Variants in TRIM9 observed in about 807,000 individuals in gnomAD.
TRIM9 encodes E3 ubiquitin-protein ligase TRIM9.
A neutral mutation model predicts 78.3 loss-of-function variants in TRIM9; 26 were observed. The observed-to-expected ratio is 0.33, with a 90% CI of 0.24 to 0.46. TRIM9 has a LOEUF of 0.46. Among genes scored for constraint, TRIM9 ranks in the 20% least tolerant of loss-of-function variants. The probability of loss-of-function intolerance (pLI) is 1.00; values close to 1 mark genes in which losing one functional copy is unlikely to be tolerated. For missense variants in TRIM9, 787 were observed against 1,036.4 expected, an observed-to-expected ratio of 0.76 and a Z score of 3.30; for synonymous variants, 398 against 416.5, an observed-to-expected ratio of 0.96 and a Z score of 0.54.
At chr14:51,083,138 A>C (rs2063457718) in intron 1 of TRIM9, among the ~76,000 whole-genome samples, 1 of 152,192 alleles carries the variant, frequency 6.6e-6, no homozygotes, top group Admixed American at 6.5e-5. Context: ...GCTTCCTTTG[A>C]TAGACTAGAA....
At chr14:51,071,764 C>T (rs2062290658) in intron 1 of TRIM9, among the ~76,000 whole-genome samples, 1 of 152,182 alleles carries the variant, frequency 6.6e-6, no homozygotes. Flanking sequence ...TGCAGTCACA[C>T]CACTGCACTC....
intron 8 of TRIM9, among the ~76,000 whole-genome samples, chr14:50,983,661 G>A (rs1424163231): frequency 6.6e-6 from 1 of 152,156 alleles, no homozygotes; most frequent in African/African-American, 2.4e-5. Context: ...CCTAAACTCT[G>A]TAGCTGAATT....
At chr14:51,006,331 T>G (rs1308080995) in intron 5 of TRIM9, among the ~76,000 whole-genome samples, 1 of 152,222 alleles carries the variant, frequency 6.6e-6, no homozygotes, top group African/African-American at 2.4e-5. Context: ...ACTGACAAGT[T>G]GTGAAAGGGC....
At chr14:51,046,840 C>T (rs558753771) in intron 1 of TRIM9, among the ~76,000 whole-genome samples, 61 of 152,304 alleles carry the variant, frequency 4.0e-4, no homozygotes, top group East Asian at 3.5e-3. Context: ...GATTAACTGG[C>T]TCAATATATG....
At chr14:51,027,491 C>T (rs761149607) in intron 1 of TRIM9, among the ~76,000 whole-genome samples, 11 of 151,504 alleles carry the variant, frequency 7.3e-5, no homozygotes, top group Middle Eastern at 3.4e-3. Context: ...ACACAAACAC[C>T]TGCTGACTGG....
chr14:50,983,104 T>A (rs2052192325), intron 9 of TRIM9, 139 bp from the exon 10 acceptor site: 1 of 826,502 alleles, frequency 1.2e-6, no homozygotes, highest in Admixed American at 2.2e-5. Context: ...AAACAGGTGC[T>A]CTCTGACTTG....
At chr14:51,031,233 G>A (rs78512275) in intron 1 of TRIM9, among the ~76,000 whole-genome samples, 2,372 of 151,532 alleles carry the variant, frequency 0.016, 66 homozygotes, top group African/African-American at 0.053. Context: ...AGGGTCCTCT[G>A]AGCCCTCTTC....
At chr14:51,092,838 G>A (rs2064500441) in intron 1 of TRIM9, among the ~76,000 whole-genome samples, 1 of 152,104 alleles carries the variant, frequency 6.6e-6, no homozygotes, top group African/African-American at 2.4e-5. Context: ...ATGCCACACA[G>A]GGATAAATAC....
intron 1 of TRIM9, among the ~76,000 whole-genome samples, chr14:51,085,919 CAGGTAAGGTAATTATAT>C (rs1332772491): frequency 1.3e-5 from 2 of 152,146 alleles, no homozygotes; most frequent in African/African-American, 4.8e-5. Context: ...CCATCTCTGT[CAGGTAAGGTAATTATAT>C]AGGTAAGGTA....
rs748658484 is a variant in TRIM9, at chr14:50,977,245, G to A, written c.*46C>T. 15 of 1,394,664 alleles carry A rather than the reference G, an allele frequency of 1.1e-5. No individual in the cohort carries two copies. Among genetic ancestry groups the A allele is most frequent in the East Asian group, 5.4e-5 (2 of 36,828 alleles). The allele number at this position is 1,394,664 out of a possible 1,614,324, so 86.4% of individuals were successfully genotyped here. Reference sequence around the variant, plus strand: ...GGCTGAGCTCCTTGCTGTGGCTCTCGCAGGCGGAGGTAAGAACAGGCAGCT... The same window carrying A: ...GGCTGAGCTCCTTGCTGTGGCTCTCACAGGCGGAGGTAAGAACAGGCAGCT... On this transcript the variant is annotated 3_prime_UTR_variant, in exon 13 of 13. Coordinates refer to ENST00000684578, the MANE Select transcript of TRIM9 (RefSeq NM_001387360.1).
chr14:51,066,559 T>G (rs1322458978), intron 1 of TRIM9, among the ~76,000 whole-genome samples: 2 of 152,216 alleles, frequency 1.3e-5, no homozygotes, highest in Non-Finnish European at 2.9e-5. Flanking sequence ...TCTTATCCCA[T>G]GGCTTCGAAT....
chr14:50,996,782 A>G lies in TRIM9; in HGVS notation c.1603+1268T>C, dbSNP rs2054264210. The G allele has an allele frequency of 5.1e-6, 5 of 985,448 alleles. No homozygotes were observed. The South Asian group carries it at 1.4e-4, about 28-fold the overall frequency. 61.0% of individuals were successfully genotyped at this position (985,448 alleles called of 1,614,324 possible). ...TTCTGGGGGAAGCTGTAGCTACCAC[A>G]TCACTGTACTCCAAATGGGAACAGG... On this transcript the variant is annotated intron_variant, in intron 7 of 12. Transcript: ENST00000684578.
intron 1 of TRIM9, among the ~76,000 whole-genome samples, chr14:51,087,196 G>A (rs2063839346): frequency 1.3e-5 from 2 of 151,974 alleles, no homozygotes; most frequent in South Asian, 4.2e-4. Context: ...GAAACTGGGG[G>A]AGGGCAAGCG....
chr14:50,980,297 T>A (rs1416595328), intron 11 of TRIM9, among the ~76,000 whole-genome samples: 1 of 152,192 alleles, frequency 6.6e-6, no homozygotes, highest in Non-Finnish European at 1.5e-5. Context: ...TACAAAGAAT[T>A]GTGTCTTATG....
Position 51,094,956 on chromosome 14 carries a change from G to C in TRIM9, c.-17C>G, listed in dbSNP as rs752810322. The C allele has an allele frequency of 5.6e-6, 8 of 1,427,690 alleles. No homozygotes were observed. In the South Asian group the frequency reaches 1.4e-4, roughly 25 times the overall value. 88.4% of individuals were successfully genotyped at this position (1,427,690 alleles called of 1,614,324 possible). A position where few individuals can be genotyped will look rare whatever the true frequency, so the allele number is the denominator to read the frequency against. ...CTCCTCCATGGGGACCGGTCTGGGA[G>C]GAGACAGCGACGGCTGCAGCGGGTG... is the stretch of plus-strand genomic sequence containing the variant. On this transcript the variant is annotated 5_prime_UTR_variant, in exon 1 of 13. Transcript: ENST00000684578.
chr14:51,054,763 G>A (rs1019470927), intron 1 of TRIM9, among the ~76,000 whole-genome samples: 8 of 151,656 alleles, frequency 5.3e-5, no homozygotes, highest in African/African-American at 1.7e-4. Flanking sequence ...TAGTAGAGAC[G>A]GTCTTGACCT....
At chr14:51,039,976 G>A (rs958066275) in intron 1 of TRIM9, among the ~76,000 whole-genome samples, 3 of 151,966 alleles carry the variant, frequency 2.0e-5, no homozygotes, top group African/African-American at 7.3e-5. Context: ...GTAAACACGG[G>A]GTTTCACCGT....
At chr14:51,011,384 G>T (rs550818971) in intron 3 of TRIM9, among the ~76,000 whole-genome samples, 1 of 152,254 alleles carries the variant, frequency 6.6e-6, no homozygotes, top group East Asian at 1.9e-4. Context: ...CAAAGATGGG[G>T]TCCTCCCATG....
chr14:51,033,524 C>T (rs1331199952), intron 1 of TRIM9, among the ~76,000 whole-genome samples: 1 of 152,182 alleles, frequency 6.6e-6, no homozygotes, highest in Non-Finnish European at 1.5e-5. Context: ...ACTGTAGTAT[C>T]GTTCAGAACA....
Sources: gnomAD v4.1 joint callset for allele counts (sites outside exome capture counted in the v4.1 genomes callset) on GRCh38, gnomAD v4.1.1 for gene constraint, MANE v1.5 for transcripts, NCBI Gene and HGNC (gene_info 2026-07-23, HGNC 2026-07-21) for gene names.